Variants in MAD1L1 observed in about 807,000 individuals in gnomAD.
The protein encoded by MAD1L1 is mitotic spindle assembly checkpoint protein MAD1.
A neutral mutation model predicts 96.9 loss-of-function variants in MAD1L1; 95 were observed. The ratio of observed to expected loss-of-function variants is 0.98; its 90% confidence interval spans 0.83 to 1.16. The LOEUF (loss-of-function observed/expected upper bound fraction) is 1.16. Ranked by LOEUF, MAD1L1 falls within the 50% of genes most tolerant of loss-of-function variation. The pLI is 0.00. For synonymous variants in MAD1L1, 473 were observed against 396.6 expected (o/e 1.19, Z -2.29); for missense variants, 1,007 against 954.4 (o/e 1.06, Z -0.73).
chr7:1,828,517 C>A (rs1223957071), intron 18 of MAD1L1, among the ~76,000 whole-genome samples: 1 of 152,200 alleles, frequency 6.6e-6, no homozygotes, highest in Non-Finnish European at 1.5e-5. Context: ...GGAAAGCCTG[C>A]GAACTAGGCG....
intron 18 of MAD1L1, among the ~76,000 whole-genome samples, chr7:1,887,173 G>A (rs1295539098): frequency 2.0e-5 from 3 of 152,264 alleles, no homozygotes; most frequent in African/African-American, 7.2e-5. Context: ...AGAAGCAGGT[G>A]CCACATGGGA....
At chr7:2,089,607 C>T (rs189826124) in intron 11 of MAD1L1, among the ~76,000 whole-genome samples, 4 of 150,240 alleles carry the variant, frequency 2.7e-5, no homozygotes, top group South Asian at 4.3e-4. Context: ...CCACCGCACA[C>T]GCCCACCCAT....
chr7:2,199,754 C>T (rs1792183407), intron 10 of MAD1L1, among the ~76,000 whole-genome samples: 1 of 152,240 alleles, frequency 6.6e-6, no homozygotes, highest in Non-Finnish European at 1.5e-5. Context: ...GATTCCTGGT[C>T]CTAGGAGACG....
At chr7:2,121,099 G>A (rs2128561220) in intron 11 of MAD1L1, among the ~76,000 whole-genome samples, 1 of 152,320 alleles carries the variant, frequency 6.6e-6, no homozygotes, top group East Asian at 1.9e-4. Flanking sequence ...TCCCGGCGCA[G>A]GCTCCCAGGG....
At chr7:2,157,042 A>G (rs1311026981) in intron 10 of MAD1L1, among the ~76,000 whole-genome samples, 1 of 152,170 alleles carries the variant, frequency 6.6e-6, no homozygotes, top group Non-Finnish European at 1.5e-5. Flanking sequence ...ATTTGGTCCA[A>G]GTCTAAAAGA....
At chr7:2,082,929 G>C in intron 11 of MAD1L1, among the ~76,000 whole-genome samples, 1 of 152,218 alleles carries the variant, frequency 6.6e-6, no homozygotes, top group Non-Finnish European at 1.5e-5. Flanking sequence ...CCAAAGCACA[G>C]AAGTCAATAC....
chr7:2,001,995 G>T, intron 14 of MAD1L1, 70 bp downstream of exon 14: 1 of 1,531,874 alleles, frequency 6.5e-7, no homozygotes, highest in Non-Finnish European at 9.0e-7. Context: ...AGGCTTATGG[G>T]GACAGGCGTC....
At chr7:1,885,644 C>T (rs528333253) in intron 18 of MAD1L1, among the ~76,000 whole-genome samples, 1 of 152,320 alleles carries the variant, frequency 6.6e-6, no homozygotes, top group East Asian at 1.9e-4. Context: ...CCAGTTCCGT[C>T]CACCTCTGGC....
At chr7:2,060,260 G>A (rs1041022621) in intron 12 of MAD1L1, among the ~76,000 whole-genome samples, 14 of 140,558 alleles carry the variant, frequency 1.0e-4, no homozygotes, top group Non-Finnish European at 1.6e-4. Context: ...CGCCGATGCC[G>A]AGATACGCCG....
chr7:2,071,459 A>G (rs1785123305), intron 11 of MAD1L1, among the ~76,000 whole-genome samples: 1 of 152,214 alleles, frequency 6.6e-6, no homozygotes, highest in Admixed American at 6.5e-5. Context: ...CTGATCGTCA[A>G]CCCATCTACC....
At chr7:1,935,026 C>T (rs750538774) in intron 17 of MAD1L1, among the ~76,000 whole-genome samples, 9 of 151,342 alleles carry the variant, frequency 5.9e-5, no homozygotes, top group East Asian at 1.9e-4. Context: ...AACGAACAGA[C>T]GGGCAAACCC....
intron 18 of MAD1L1, among the ~76,000 whole-genome samples, chr7:1,856,797 G>A (rs1325123755): frequency 6.6e-6 from 1 of 152,270 alleles, no homozygotes; most frequent in East Asian, 1.9e-4. Context: ...ACCCTGGAAC[G>A]TGGTCTCGGG....
chr7:2,130,355 A>G (rs544236092), intron 11 of MAD1L1, among the ~76,000 whole-genome samples: 22 of 152,290 alleles, frequency 1.4e-4, no homozygotes, highest in African/African-American at 5.3e-4. Context: ...TCTCCACGCC[A>G]TTACAGCCCC....
intron 11 of MAD1L1, chr7:2,079,744 C>T (rs1785544302): frequency 2.1e-6 from 1 of 470,822 alleles, no homozygotes; most frequent in African/African-American, 2.0e-5. Flanking sequence ...GTGGGGAGCC[C>T]CGGCAAGCAC....
intron 11 of MAD1L1, among the ~76,000 whole-genome samples, chr7:2,129,483 G>A (rs1304975802): frequency 2.6e-5 from 4 of 152,172 alleles, no homozygotes; most frequent in African/African-American, 4.8e-5. Flanking sequence ...GTCTGAATCC[G>A]TCACCTGCCA....
At chr7:1,881,806 C>T (rs1057179803) in intron 18 of MAD1L1, among the ~76,000 whole-genome samples, 3 of 152,178 alleles carry the variant, frequency 2.0e-5, no homozygotes, top group Non-Finnish European at 2.9e-5. Flanking sequence ...GCCCATGGTG[C>T]CCCCTCACTC....
At chr7:2,133,577 CT>C (rs1211324430) in intron 11 of MAD1L1, among the ~76,000 whole-genome samples, 2 of 152,242 alleles carry the variant, frequency 1.3e-5, no homozygotes, top group Non-Finnish European at 2.9e-5. Context: ...CTCATCAATT[CT>C]TTCAGACTGT....
At chr7:1,936,495 A>G (rs1405420180) in intron 17 of MAD1L1, among the ~76,000 whole-genome samples, 192 bp downstream of exon 17, 1 of 151,992 alleles carries the variant, frequency 6.6e-6, no homozygotes, top group African/African-American at 2.4e-5. Context: ...TGTTTGCACA[A>G]CCCCACGGGG....
At chr7:1,921,310 CTAAT>C (rs761267196) in intron 17 of MAD1L1, among the ~76,000 whole-genome samples, 1 of 151,822 alleles carries the variant, frequency 6.6e-6, no homozygotes, top group Non-Finnish European at 1.5e-5. Context: ...TTGAATTTGA[CTAAT>C]TCTTTTTTTT....
Sources: allele counts gnomAD v4.1 joint callset (sites outside exome capture counted in the v4.1 genomes callset), GRCh38; gene constraint gnomAD v4.1.1; transcripts MANE v1.5; gene names NCBI Gene and HGNC (gene_info 2026-07-23, HGNC 2026-07-21).